Variants in WRAP53 observed in about 807,000 individuals in gnomAD.
WRAP53 encodes WD repeat containing antisense to TP53.
A neutral mutation model predicts 56.6 loss-of-function variants in WRAP53; 28 were observed. The observed-to-expected ratio is 0.50, with a 90% confidence interval of 0.37 to 0.68. WRAP53 has a LOEUF of 0.68. Among genes scored for constraint, WRAP53 ranks in the 30% least tolerant of loss-of-function variants. The pLI, the probability that WRAP53 is intolerant of heterozygous loss-of-function variation, is 0.00. For synonymous variants in WRAP53, 283 were observed against 283.4 expected (o/e 1.00, Z 0.01); for missense variants, 671 against 715.5 (o/e 0.94, Z 0.71).
intron 4 of WRAP53, among the ~76,000 whole-genome samples, chr17:7,690,784 C>T (rs1008593140): frequency 8.6e-5 from 13 of 151,580 alleles, no homozygotes; most frequent in African/African-American, 2.9e-4. Context: ...TGGTGGCACG[C>T]GCCTGTAATC....
intron 4 of WRAP53, among the ~76,000 whole-genome samples, chr17:7,697,178 G>A (rs983450784): frequency 2.0e-5 from 3 of 151,932 alleles, no homozygotes; most frequent in Admixed American, 2.0e-4. Flanking sequence ...AAAATTAGCC[G>A]GGTGTGGTGG....
chr17:7,700,089 C>T (rs2074254647), intron 4 of WRAP53, among the ~76,000 whole-genome samples: 1 of 151,088 alleles, frequency 6.6e-6, no homozygotes, highest in Non-Finnish European at 1.5e-5. Context: ...CTCTCTGTCA[C>T]CTAGGGTGGA....
chr17:7,687,674 C>T (rs754358384), upstream of WRAP53: 5 of 398,292 alleles, frequency 1.3e-5, no homozygotes, highest in Non-Finnish European at 2.2e-5. Flanking sequence ...TCAGGATTCT[C>T]GCCGACCTGG....
In WRAP53 at chr17:7,698,479, C is replaced by T. The variant is rs994837836; in HGVS notation, c.643-2262C>T. On this transcript the variant is annotated intron_variant, in intron 4 of 10. Transcript: ENST00000396463. ...GGGCATGGTGGCTCATGCTTGTAAT[C>T]CCAGTGCATTGAAAGGCTGAGGTGG... is the stretch of plus-strand genomic sequence containing the variant. Among the ~76,000 whole-genome samples the T allele has an allele frequency of 6.6e-5, 10 of 152,278 alleles. No homozygotes were observed. The South Asian group carries it at 1.4e-3, about 22-fold the overall frequency.
intron 4 of WRAP53, among the ~76,000 whole-genome samples, chr17:7,699,458 TTATATATATA>T (rs1165734343): frequency 2.0e-4 from 8 of 39,870 alleles, no homozygotes; most frequent in African/African-American, 1.2e-3. Context: ...ATATATATAT[TTATATATATA>T]TATATATTTA....
chr17:7,700,338 A>G (rs1206849542), intron 4 of WRAP53, among the ~76,000 whole-genome samples: 1 of 151,802 alleles, frequency 6.6e-6, no homozygotes, highest in Admixed American at 6.6e-5. Context: ...CTTCCTCTCT[A>G]AGTGTTTATA....
In WRAP53 at chr17:7,688,709, G is replaced by A; in HGVS notation, c.61G>A (p.Ala21Thr). 1.2e-6 allele frequency: 2 copies of A among 1,614,178 alleles called. No homozygotes were observed. Among genetic ancestry groups the A allele is most frequent in the Non-Finnish European group, 1.7e-6 (2 of 1,180,026 alleles). The change falls in exon 2 of 11, where the codon GCT (alanine) becomes ACT (threonine). Residue 21 changes from alanine to threonine, a missense_variant. Around this residue, in one of 3 missense-constraint regions of WRAP53, gnomAD observed 406 missense variants for 418.5 expected, o/e 0.97. Coordinates refer to ENST00000396463, the MANE Select transcript of WRAP53 (RefSeq NM_001143992.2). ...CTGCTGTCCTTCAGACCAGGACCCA[G>A]CTCCAGCCCATCCTTCTCCCCACGC... ...PDCCPSDQDP[A>T]PAHPSPHASP...
rs2074055227 is a variant in WRAP53, at chr17:7,688,668, A to G, written c.20A>G (p.Gln7Arg). The G allele has an allele frequency of 6.2e-7, 1 of 1,614,080 alleles. No homozygotes were observed. Residue 7 changes from glutamine (Q) to arginine (R), a missense_variant, in exon 2 of 11, where the codon CAA (glutamine) becomes CGA (arginine). Coordinates refer to ENST00000396463, the MANE Select transcript of WRAP53 (RefSeq NM_001143992.2). ...TGCAGTATGAAGACTTTGGAGACTC[A>G]ACCGTTAGCTCCGGACTGCTGTCCT... MKTLET[Q>R]PLAPDCCPSD...
At chr17:7,690,925 A>G in intron 4 of WRAP53, among the ~76,000 whole-genome samples, 1 of 151,188 alleles carries the variant, frequency 6.6e-6, no homozygotes, top group Non-Finnish European at 1.5e-5. Context: ...AAACAACAAA[A>G]CAGACTGGGC....
In WRAP53 at chr17:7,701,784, CA is replaced by C; in HGVS notation, c.951del (p.Phe318LeufsTer14). On this transcript the variant is annotated frameshift_variant, in exon 7 of 11. Coordinates refer to ENST00000396463, the MANE Select transcript of WRAP53 (RefSeq NM_001143992.2). LOFTEE classifies it high-confidence loss of function. The surrounding 1 kb of genome is among the most constrained non-coding windows in gnomAD (Gnocchi z 4.2). The part of the protein sequence containing the change: ...RPGRDCEVRA[T>X]FAKKQGQSGI... The stretch of plus-strand genomic sequence containing the variant: ...GGCCGAGACTGCGAGGTCCGAGCCA[CA>C]TTTGGTAAGCATCTGTGCCTCCAAG... 1 of 1,613,924 alleles carries C rather than the reference CA, an allele frequency of 6.2e-7. No individual in the cohort carries two copies. Among genetic ancestry groups the C allele is most frequent in the South Asian group, 1.1e-5 (1 of 90,996 alleles).
intron 4 of WRAP53, among the ~76,000 whole-genome samples, chr17:7,700,128 A>G (rs138021431): frequency 0.016 from 2,418 of 151,254 alleles, 70 homozygotes; most frequent in African/African-American, 0.056. Context: ...AGCTCACTGC[A>G]ACCTTTGTCT....
intron 4 of WRAP53, among the ~76,000 whole-genome samples, chr17:7,700,416 G>A (rs557875726): frequency 1.3e-5 from 2 of 151,684 alleles, no homozygotes; most frequent in African/African-American, 2.4e-5. Flanking sequence ...AGGCTGAGGC[G>A]GGTGGATCAC....
chr17:7,687,062 A>G, upstream of WRAP53: 1 of 366,620 alleles, frequency 2.7e-6, no homozygotes, highest in Non-Finnish European at 4.9e-6. Flanking sequence ...GGGATTCCCT[A>G]CGCCCAGCAC....
At chr17:7,693,028 A>T (rs969006132) in intron 4 of WRAP53, among the ~76,000 whole-genome samples, 2 of 151,842 alleles carry the variant, frequency 1.3e-5, no homozygotes, top group Non-Finnish European at 2.9e-5. Flanking sequence ...AGCATGAGCC[A>T]CCGCGCCCAG....
chr17:7,690,252 A>G (rs553000939), intron 4 of WRAP53, among the ~76,000 whole-genome samples: 24 of 152,296 alleles, frequency 1.6e-4, no homozygotes, highest in Non-Finnish European at 2.4e-4. Flanking sequence ...CCTGGCTTAT[A>G]GCTATTTATT....
chr17:7,689,393 G>A, intron 3 of WRAP53, 71 bp downstream of exon 3: 1 of 1,505,730 alleles, frequency 6.6e-7, no homozygotes. Context: ...CAGTTTTCTA[G>A]GAGAGGGATG....
rs779431250 is a variant in WRAP53 at position 7,688,683 on chromosome 17, A to C, written c.35A>C (p.Asp12Ala). The change falls in exon 2 of 11, where the codon GAC becomes GCC. Residue 12 changes from aspartate (D) to alanine (A), a missense_variant. Physicochemically the swap from Asp to Ala is moderately radical, Grantham distance 126. This residue lies in a region of WRAP53 where 406 missense variants were observed against 418.5 expected (regional missense o/e 0.97). Coordinates refer to ENST00000396463, the MANE Select transcript of WRAP53 (RefSeq NM_001143992.2). ...TTGGAGACTCAACCGTTAGCTCCGGACTGCTGTCCTTCAGACCAGGACCCA... is the reference window on the plus strand; with the variant it reads ...TTGGAGACTCAACCGTTAGCTCCGGCCTGCTGTCCTTCAGACCAGGACCCA... Reference protein sequence around the residue: ...KTLETQPLAPDCCPSDQDPAP... With the variant: ...KTLETQPLAPACCPSDQDPAP... 1 of 1,614,160 alleles carries C rather than the reference A, an allele frequency of 6.2e-7. No individual in the cohort carries two copies. Among genetic ancestry groups the C allele is most frequent in the Admixed American group, 1.7e-5 (1 of 60,004 alleles).
At chr17:7,692,853 G>A (rs1323964990) in intron 4 of WRAP53, among the ~76,000 whole-genome samples, 1 of 141,792 alleles carries the variant, frequency 7.1e-6, no homozygotes, top group Non-Finnish European at 1.5e-5. Flanking sequence ...CCGGGATCAC[G>A]CCATTCTCCT....
At chr17:7,698,168 G>A (rs1003459128) in intron 4 of WRAP53, among the ~76,000 whole-genome samples, 1 of 152,162 alleles carries the variant, frequency 6.6e-6, no homozygotes, top group African/African-American at 2.4e-5. Flanking sequence ...ATCTTACAAA[G>A]TTTGCAAAGT....
Sources: allele counts gnomAD v4.1 joint callset (sites outside exome capture counted in the v4.1 genomes callset), GRCh38; gene constraint gnomAD v4.1.1; regional missense constraint gnomAD v4.1.1; non-coding constraint Gnocchi (gnomAD v3.1); transcripts MANE v1.5; gene names NCBI Gene and HGNC (gene_info 2026-07-23, HGNC 2026-07-21).